Variants in KDM3A observed in about 807,000 individuals in gnomAD.
The protein encoded by KDM3A is lysine-specific demethylase 3A.
KDM3A carries 60 observed loss-of-function variants against 158.0 expected under a neutral mutation model. The ratio of observed to expected loss-of-function variants is 0.38; its 90% CI spans 0.31 to 0.47. KDM3A has a LOEUF of 0.47. Ranked by LOEUF, KDM3A falls within the 20% of genes least tolerant of loss-of-function variation. The pLI is 0.99. For synonymous variants in KDM3A, 608 were observed against 549.3 expected (o/e 1.11, Z -1.49); for missense variants, 1,319 against 1,574.3 (o/e 0.84, Z 2.74).
chr2:86,478,545 T>C, intron 14 of KDM3A, 63 bp from the exon 15 acceptor site: 1 of 1,573,786 alleles, frequency 6.4e-7, no homozygotes, highest in African/African-American at 1.4e-5. Flanking sequence ...TTCTGCTCTG[T>C]AATGTTGAGG....
At position 86,489,391 on chromosome 2, in the gene KDM3A, C is replaced by T; in HGVS notation, c.3387C>T (p.Val1129=). Residue 1129 remains valine, a synonymous_variant, in exon 22 of 26, where the codon GTC becomes GTT. Coordinates refer to ENST00000312912, the MANE Select transcript of KDM3A (RefSeq NM_018433.6). ...TAGATGTATCTGATGCAGCTAATGT[C>T]ATGGTCTATGTGGGAATTCCCAAAG... is the stretch of plus-strand genomic sequence containing the variant. The part of the protein sequence containing the change: ...LHLDVSDAAN[V]MVYVGIPKGQ... The T allele has an allele frequency of 1.2e-6, 2 of 1,613,974 alleles. No homozygotes were observed. Among genetic ancestry groups the T allele is most frequent in the Non-Finnish European group, 1.7e-6 (2 of 1,179,954 alleles).
At position 86,474,846 on chromosome 2, in the gene KDM3A, G is replaced by A. The variant is rs1355374908; in HGVS notation, c.1795G>A (p.Ala599Thr). The A allele has an allele frequency of 3.1e-6, 5 of 1,613,318 alleles. No homozygotes were observed. The highest frequency in any genetic ancestry group is 4.2e-6 in the Non-Finnish European group (5 of 1,179,822). The change falls in exon 12 of 26, where the codon GCA becomes ACA. Residue 599 changes from alanine (A) to threonine (T), a missense_variant. Coordinates refer to ENST00000312912, the MANE Select transcript of KDM3A (RefSeq NM_018433.6). The part of the protein sequence containing the change: ...FLTPNKYDNE[A>T]IGLWLPLTKN... ...AACACCAAACAAGTATGACAATGAA[G>A]CAATTGGCTTGTGGTTACCTTTAAC...
Position 86,480,507 on chromosome 2 carries a change from T to C in KDM3A, c.2512+145T>C, listed in dbSNP as rs1573200602. The C allele has an allele frequency of 5.8e-6, 4 of 689,728 alleles. No homozygotes were observed. In the East Asian group the frequency reaches 8.8e-5, roughly 15 times the overall value. The allele number at this position is 689,728 out of a possible 1,614,324, so 42.7% of individuals were successfully genotyped here. The stretch of plus-strand genomic sequence containing the variant: ...GAACCTGCCACAAATGAAAGTGTTT[T>C]TGAAATGCAGCACCAAAGAGGAGAA... On this transcript the variant is annotated intron_variant, in intron 16 of 25. Coordinates refer to ENST00000312912, the MANE Select transcript of KDM3A (RefSeq NM_018433.6).
Position 86,478,034 on chromosome 2 carries a change from G to C in KDM3A, c.2092+5G>C. 1 of 1,614,068 alleles carries C rather than the reference G, an allele frequency of 6.2e-7. No individual in the cohort carries two copies. The highest frequency in any genetic ancestry group is 8.5e-7 in the Non-Finnish European group (1 of 1,180,000). On this transcript the variant is annotated splice_donor_5th_base_variant and intron_variant, in intron 13 of 25. Transcript: ENST00000312912. ...AGAGAAAGAATTGCCAACAGGGTGAGAACCGATTTGATTCTCCTCCAGCCC... is the reference window on the plus strand; with the variant it reads ...AGAGAAAGAATTGCCAACAGGGTGACAACCGATTTGATTCTCCTCCAGCCC...
chr2:86,476,947 G>C (rs1227615525), intron 12 of KDM3A, among the ~76,000 whole-genome samples: 3 of 152,200 alleles, frequency 2.0e-5, no homozygotes, highest in Non-Finnish European at 4.4e-5. Flanking sequence ...AGGAGAGAGA[G>C]AGACTGACTG....
At chr2:86,485,599 TTGA>T in intron 20 of KDM3A, 127 bp from the exon 21 acceptor site, 1 of 1,038,378 alleles carries the variant, frequency 9.6e-7, no homozygotes, top group South Asian at 1.5e-5. Context: ...TCTTAAATAT[TTGA>T]TGGCTGTCAG....
At chr2:86,470,492 C>G (rs2104673393) in intron 11 of KDM3A, 84 bp downstream of exon 11, 1 of 1,158,180 alleles carries the variant, frequency 8.6e-7, no homozygotes, top group East Asian at 2.4e-5. Context: ...ACTCTTTTAT[C>G]AACAGTAAAT....
intron 21 of KDM3A, 102 bp from the exon 22 acceptor site, chr2:86,489,216 A>G: frequency 1.6e-6 from 2 of 1,287,348 alleles, no homozygotes; most frequent in Admixed American, 2.4e-5. Flanking sequence ...TATTCTCAGC[A>G]GAAGAGTCAA....
intron 11 of KDM3A, among the ~76,000 whole-genome samples, chr2:86,471,295 ATG>A (rs972373826): frequency 5.3e-5 from 8 of 151,348 alleles, no homozygotes; most frequent in Non-Finnish European, 5.9e-5. Context: ...ATATGTATAT[ATG>A]TGTGTATGTG....
chr2:86,491,045 A>G lies in KDM3A; in HGVS notation c.3738A>G (p.Gly1246=). 2 of 1,613,722 alleles carry G rather than the reference A, an allele frequency of 1.2e-6. 1 individual carries two copies. The highest frequency in any genetic ancestry group is 2.2e-5 in the South Asian group (2 of 91,012). Residue 1246 remains glycine, a synonymous_variant, in exon 24 of 26, where the codon GGA becomes GGG. Coordinates refer to ENST00000312912, the MANE Select transcript of KDM3A (RefSeq NM_018433.6). ...FLGDVVFIPA[G]APHQVHNLYS... is the part of the protein sequence containing the mutation. ...GGGATGTGGTGTTTATCCCGGCAGG[A>G]GCTCCACATCAGGCAAGAATCATTA... is the stretch of plus-strand genomic sequence containing the variant.
In KDM3A at chr2:86,485,746, C is replaced by T. The variant is rs1450321911; in HGVS notation, c.3200C>T (p.Ala1067Val). 1 of 1,613,984 alleles carries T rather than the reference C, an allele frequency of 6.2e-7. No individual in the cohort carries two copies. The highest frequency in any genetic ancestry group is 1.7e-5 in the Admixed American group (1 of 60,006). Residue 1067 changes from alanine (A) to valine (V), a missense_variant, in exon 21 of 26, where the codon GCC becomes GTC. Physicochemically the swap from Ala to Val is moderately conservative, Grantham distance 64. This residue lies in a region of KDM3A where 186 missense variants were observed against 340.9 expected (regional missense o/e 0.55). Coordinates refer to ENST00000312912, the MANE Select transcript of KDM3A (RefSeq NM_018433.6). ...MMPSRFDDLM[A>V]NIPLPEYTRR... ...TGTTCTAGGTTTGATGATCTGATGGCCAACATTCCACTGCCCGAGTACACA... is the reference window on the plus strand; with the variant it reads ...TGTTCTAGGTTTGATGATCTGATGGTCAACATTCCACTGCCCGAGTACACA...
chr2:86,444,872 A>G (rs767734122), intron 2 of KDM3A, among the ~76,000 whole-genome samples: 11 of 152,230 alleles, frequency 7.2e-5, no homozygotes, highest in Non-Finnish European at 1.6e-4. Context: ...AAAAGAGAAT[A>G]TGTCTAGTAG....
At chr2:86,463,393 G>C (rs1282528571) in intron 8 of KDM3A, among the ~76,000 whole-genome samples, 1 of 139,096 alleles carries the variant, frequency 7.2e-6, no homozygotes, top group Non-Finnish European at 1.5e-5. Context: ...GGTATAAACT[G>C]TTAAGAAGTT....
intron 4 of KDM3A, among the ~76,000 whole-genome samples, chr2:86,454,083 C>G (rs1672585538): frequency 6.6e-6 from 1 of 152,202 alleles, no homozygotes; most frequent in Admixed American, 6.5e-5. Context: ...AACTGGCTTA[C>G]TCTGACGCCT....
chr2:86,453,090 A>G (rs1672535160), intron 4 of KDM3A, among the ~76,000 whole-genome samples: 1 of 152,114 alleles, frequency 6.6e-6, no homozygotes, highest in Non-Finnish European at 1.5e-5. Flanking sequence ...TAAGGTTTTC[A>G]ATTAAGGTAG....
upstream of KDM3A, chr2:86,441,154 G>C (rs1682677946): frequency 6.6e-6 from 1 of 152,554 alleles, no homozygotes; most frequent in Non-Finnish European, 1.5e-5. Context: ...AACCTAATGG[G>C]GGTCGCCCGG....
intron 12 of KDM3A, among the ~76,000 whole-genome samples, chr2:86,475,314 A>G (rs1459728785): frequency 2.0e-5 from 3 of 152,200 alleles, no homozygotes; most frequent in African/African-American, 7.2e-5. Context: ...TTTTAAAACA[A>G]AGGTTCTTAA....
chr2:86,464,185 C>A lies in KDM3A; in HGVS notation c.976C>A (p.Pro326Thr), dbSNP rs777000192. The A allele has an allele frequency of 2.5e-6, 4 of 1,608,754 alleles. No homozygotes were observed. The East Asian group carries it at 8.9e-5, about 36-fold the overall frequency. Reference sequence around the variant, plus strand: ...AAGTACTCCCCAGGCTGCCAACTCTCCACCTAACCTTGGAGCAAAAATTCC... The same window carrying A: ...AAGTACTCCCCAGGCTGCCAACTCTACACCTAACCTTGGAGCAAAAATTCC... ...QQSTPQAANS[P>T]PNLGAKIPQG... Residue 326 changes from proline to threonine, a missense_variant, in exon 9 of 26, where the codon CCA becomes ACA. Physicochemically the swap from Pro to Thr is conservative, Grantham distance 38. Around this residue, in one of 4 missense-constraint regions of KDM3A, gnomAD observed 652 missense variants for 627.2 expected, o/e 1.04. Coordinates refer to ENST00000312912, the MANE Select transcript of KDM3A (RefSeq NM_018433.6).
chr2:86,487,914 C>G (rs1209110719), intron 21 of KDM3A: 1 of 121,104 alleles, frequency 8.3e-6, no homozygotes, highest in Non-Finnish European at 2.1e-5. Context: ...CACTGTGGCA[C>G]TGGCTGGATC....
Sources: gnomAD v4.1 joint callset for allele counts (sites outside exome capture counted in the v4.1 genomes callset) on GRCh38, gnomAD v4.1.1 for gene constraint, gnomAD v4.1.1 regional missense constraint, MANE v1.5 for transcripts, NCBI Gene and HGNC (gene_info 2026-07-23, HGNC 2026-07-21) for gene names.